The following LOXHD1 variants were observed in gnomAD, a reference collection of about 807,000 sequenced individuals.
LOXHD1 encodes lipoxygenase homology domain-containing protein 1.
LOXHD1 carries 205 observed loss-of-function variants against 248.2 expected under a neutral mutation model. That is an observed-to-expected ratio of 0.83 (90% CI 0.74 to 0.93). The LOEUF is 0.93. LOXHD1 is among the 40% of genes least tolerant of loss of function. LOXHD1 has a pLI of 0.00. For synonymous variants in LOXHD1, 1,113 were observed against 1,162.8 expected, an observed-to-expected ratio of 0.96 and a Z score of 0.87; for missense variants, 2,930 against 2,971.6, an observed-to-expected ratio of 0.99 and a Z score of 0.33.
intron 12 of LOXHD1, among the ~76,000 whole-genome samples, chr18:46,588,028 G>A (rs548400181): frequency 1.4e-4 from 22 of 152,102 alleles, no homozygotes; most frequent in Admixed American, 5.2e-4. Context: ...CTCATTTTAC[G>A]TGAGTCTAAG....
intron 22 of LOXHD1, 35 bp downstream of exon 22, chr18:46,546,860 T>A: frequency 2.0e-6 from 3 of 1,533,852 alleles, no homozygotes; most frequent in Non-Finnish European, 2.6e-6. Context: ...AGGGGAGGGG[T>A]GCTGGAGAAA....
intron 18 of LOXHD1, among the ~76,000 whole-genome samples, chr18:46,562,662 G>C (rs1015954138): frequency 6.6e-6 from 1 of 152,188 alleles, no homozygotes; most frequent in Non-Finnish European, 1.5e-5. Flanking sequence ...TGCAGCCTTA[G>C]TGTCATCTTT....
intron 13 of LOXHD1, 77 bp from the exon 14 acceptor site, chr18:46,577,944 A>C: frequency 2.4e-5 from 35 of 1,472,336 alleles, no homozygotes; most frequent in African/African-American, 2.8e-5. Context: ...ACATAAGCTC[A>C]GATATCAGAA....
intron 4 of LOXHD1, among the ~76,000 whole-genome samples, chr18:46,621,647 C>T (rs1568220929): frequency 6.6e-6 from 1 of 152,032 alleles, no homozygotes; most frequent in South Asian, 2.1e-4. Flanking sequence ...ACTTGGATCT[C>T]GTAATCTGTG....
At chr18:46,575,722 A>T (rs2037840803) in intron 14 of LOXHD1, among the ~76,000 whole-genome samples, 2 of 152,070 alleles carry the variant, frequency 1.3e-5, no homozygotes, top group Admixed American at 1.3e-4. Context: ...GGCCTCCGAA[A>T]CTGTGAGACA....
At chr18:46,598,705 A>G in intron 8 of LOXHD1, among the ~76,000 whole-genome samples, 1 of 152,188 alleles carries the variant, frequency 6.6e-6, no homozygotes. Context: ...ACCACTTATA[A>G]TAGTAACAAA....
intron 14 of LOXHD1, among the ~76,000 whole-genome samples, chr18:46,572,807 A>C (rs539643340): frequency 6.6e-6 from 1 of 151,948 alleles, no homozygotes; most frequent in Non-Finnish European, 1.5e-5. Flanking sequence ...GTGGATCACG[A>C]GGTCAGGAGA....
chr18:46,528,543 G>A (rs1387073599), intron 29 of LOXHD1, among the ~76,000 whole-genome samples: 1 of 152,170 alleles, frequency 6.6e-6, no homozygotes, highest in Non-Finnish European at 1.5e-5. Context: ...TTGCTTAACA[G>A]ACGGCTTGCC....
chr18:46,508,761 C>T (rs1157602198), intron 35 of LOXHD1, among the ~76,000 whole-genome samples: 1 of 152,224 alleles, frequency 6.6e-6, no homozygotes, highest in Admixed American at 6.5e-5. Flanking sequence ...GAGTCTGGTG[C>T]TGCAGATGAG....
At chr18:46,594,278 C>T in intron 9 of LOXHD1, 53 bp downstream of exon 9, 1 of 1,548,206 alleles carries the variant, frequency 6.5e-7, no homozygotes, top group Non-Finnish European at 8.7e-7. Context: ...GACATTCTGG[C>T]CTCTGCTGAC....
chr18:46,606,136 A>T (rs1271914331), intron 6 of LOXHD1, among the ~76,000 whole-genome samples: 2 of 152,218 alleles, frequency 1.3e-5, no homozygotes, highest in East Asian at 1.9e-4. Flanking sequence ...GATGAGATTT[A>T]AAAATAACTA....
At chr18:46,633,993 G>C (rs2038860693) in intron 4 of LOXHD1, among the ~76,000 whole-genome samples, 1 of 152,142 alleles carries the variant, frequency 6.6e-6, no homozygotes, top group African/African-American at 2.4e-5. Flanking sequence ...GTGCATTGCT[G>C]GTAGGAATGT....
intron 40 of LOXHD1, among the ~76,000 whole-genome samples, chr18:46,482,001 G>A (rs1433969581): frequency 6.6e-6 from 1 of 152,224 alleles, no homozygotes; most frequent in Non-Finnish European, 1.5e-5. Context: ...GTGGATGGGA[G>A]GTAGTACTGA....
chr18:46,618,221 A>T lies in LOXHD1; in HGVS notation c.581T>A (p.Ile194Asn), dbSNP rs1371201208. 2 of 1,551,452 alleles carry T rather than the reference A, an allele frequency of 1.3e-6. No homozygotes were observed. The highest frequency in any genetic ancestry group is 2.4e-5 in the East Asian group (1 of 40,920). The part of the protein sequence containing the change: ...IGAGTDADVF[I>N]NIFGEYGDTG... The stretch of plus-strand genomic sequence containing the variant: ...GTCTCCATACTCTCCAAAAATATTG[A>T]TGAAGACATCAGCATCTGTCCCTGC... The change falls in exon 5 of 41, where the codon ATC (isoleucine) becomes AAC (asparagine). Residue 194 changes from isoleucine to asparagine, a missense_variant. Ile to Asn is a moderately radical substitution (Grantham distance 149). Coordinates refer to ENST00000642948, the MANE Select transcript of LOXHD1 (RefSeq NM_001384474.1).
Position 46,545,421 on chromosome 18 carries a change from T to C in LOXHD1, c.3515A>G (p.Asp1172Gly), listed in dbSNP as rs2144401932. Residue 1172 changes from aspartate (D) to glycine (G), a missense_variant and splice_region_variant, in exon 23 of 41, where the codon GAT (aspartate) becomes GGT (glycine). Asp to Gly is a moderately conservative substitution (Grantham distance 94, BLOSUM62 -1). Coordinates refer to ENST00000642948, the MANE Select transcript of LOXHD1 (RefSeq NM_001384474.1). Reference protein sequence around the residue: ...PLDNLALEQKDKSTTFSVTIK... With the variant: ...PLDNLALEQKGKSTTFSVTIK... ...GGTCACTGAGAATGTGGTAGATTTA[T>C]CTGCCAAGAGAATAGTATAGAGCAA... 1 of 1,549,074 alleles carries C rather than the reference T, an allele frequency of 6.5e-7. No individual in the cohort carries two copies. Among genetic ancestry groups the C allele is most frequent in the Non-Finnish European group, 8.7e-7 (1 of 1,144,258 alleles).
At chr18:46,596,246 C>T (rs2038255329) in intron 8 of LOXHD1, among the ~76,000 whole-genome samples, 1 of 152,084 alleles carries the variant, frequency 6.6e-6, no homozygotes, top group African/African-American at 2.4e-5. Flanking sequence ...CCTGAAAAGC[C>T]TCTCATCACC....
chr18:46,620,780 C>A (rs572232038), intron 4 of LOXHD1, among the ~76,000 whole-genome samples: 1 of 152,138 alleles, frequency 6.6e-6, no homozygotes, highest in Non-Finnish European at 1.5e-5. Context: ...GACACTTGAC[C>A]AAGAAGGACA....
At chr18:46,498,265 A>T (rs1057190217) in intron 37 of LOXHD1, among the ~76,000 whole-genome samples, 15 of 152,138 alleles carry the variant, frequency 9.9e-5, no homozygotes, top group African/African-American at 3.4e-4. Context: ...ATGGGACTGC[A>T]CTCTGATATG....
chr18:46,522,765 C>A (rs2035641777), intron 31 of LOXHD1, among the ~76,000 whole-genome samples: 1 of 152,136 alleles, frequency 6.6e-6, no homozygotes, highest in Non-Finnish European at 1.5e-5. Flanking sequence ...ATATATGCCA[C>A]ATAGTGAATG....
Sources: gnomAD v4.1 joint callset for allele counts (sites outside exome capture counted in the v4.1 genomes callset) on GRCh38, gnomAD v4.1.1 for gene constraint, MANE v1.5 for transcripts, NCBI Gene and HGNC (gene_info 2026-07-23, HGNC 2026-07-21) for gene names.